The following THSD7A variants were observed in gnomAD, a reference collection of about 807,000 sequenced individuals.
THSD7A encodes the protein thrombospondin type-1 domain-containing protein 7A.
THSD7A carries 96 observed loss-of-function variants against 231.3 expected under a neutral mutation model. The observed-to-expected ratio is 0.41, with a 90% CI of 0.35 to 0.49. The LOEUF (loss-of-function observed/expected upper bound fraction) is 0.49, where lower values mean the gene tolerates loss of function less well. Ranked by LOEUF, THSD7A falls within the 20% of genes least tolerant of loss-of-function variation. The pLI is 0.05. For synonymous variants in THSD7A, 940 were observed against 743.3 expected, an observed-to-expected ratio of 1.26 and a Z score of -4.30; for missense variants, 2,290 against 2,070.2, an observed-to-expected ratio of 1.11 and a Z score of -2.06.
intron 9 of THSD7A, among the ~76,000 whole-genome samples, chr7:11,465,859 A>G (rs1183499444): frequency 6.6e-6 from 1 of 152,178 alleles, no homozygotes; most frequent in East Asian, 1.9e-4. Context: ...AATTAGAGGT[A>G]CAAATAATTT....
chr7:11,430,317 A>C (rs139491852), intron 13 of THSD7A, among the ~76,000 whole-genome samples: 1 of 152,046 alleles, frequency 6.6e-6, no homozygotes, highest in Non-Finnish European at 1.5e-5. Context: ...CATTTGTTTT[A>C]CTCCAAAAAT....
intron 1 of THSD7A, among the ~76,000 whole-genome samples, chr7:11,718,140 T>C (rs1781207161): frequency 6.6e-6 from 1 of 151,672 alleles, no homozygotes; most frequent in Non-Finnish European, 1.5e-5. Context: ...CATCCTCTCT[T>C]GAGAACAAGT....
At chr7:11,467,106 T>C (rs1785740909) in intron 9 of THSD7A, among the ~76,000 whole-genome samples, 1 of 152,126 alleles carries the variant, frequency 6.6e-6, no homozygotes, top group African/African-American at 2.4e-5. Flanking sequence ...GAAAGTTTCC[T>C]TCACATCTTG....
intron 1 of THSD7A, among the ~76,000 whole-genome samples, chr7:11,699,195 C>T (rs879416170): frequency 1.3e-5 from 2 of 151,074 alleles, no homozygotes; most frequent in African/African-American, 2.4e-5. Context: ...ACTACAGACT[C>T]ATTCTTTGAA....
intron 1 of THSD7A, among the ~76,000 whole-genome samples, chr7:11,648,995 G>A (rs966640596): frequency 4.6e-5 from 7 of 151,950 alleles, no homozygotes; most frequent in African/African-American, 1.7e-4. Flanking sequence ...GCTTTCTGCT[G>A]TTCATGCCTT....
chr7:11,565,583 A>G (rs1488705355), intron 4 of THSD7A, among the ~76,000 whole-genome samples: 2 of 151,784 alleles, frequency 1.3e-5, no homozygotes, highest in Non-Finnish European at 2.9e-5. Flanking sequence ...TTGAAAGCAG[A>G]GTCAGGAAAA....
intron 4 of THSD7A, among the ~76,000 whole-genome samples, chr7:11,551,788 G>C (rs980807734): frequency 8.5e-5 from 13 of 152,186 alleles, no homozygotes. Context: ...GCATTCTGGA[G>C]ATTTCTCAAA....
chr7:11,751,612 G>T (rs1341056130), intron 1 of THSD7A, among the ~76,000 whole-genome samples: 1 of 151,908 alleles, frequency 6.6e-6, no homozygotes, highest in Non-Finnish European at 1.5e-5. Context: ...TTCTTTGCAG[G>T]CAGTGACCCA....
At chr7:11,586,463 C>T (rs1450507152) in intron 4 of THSD7A, among the ~76,000 whole-genome samples, 1 of 152,134 alleles carries the variant, frequency 6.6e-6, no homozygotes, top group African/African-American at 2.4e-5. Flanking sequence ...CCCTTATACA[C>T]ACTTCAGGTG....
intron 9 of THSD7A, among the ~76,000 whole-genome samples, chr7:11,466,445 G>A (rs1227096687): frequency 3.9e-5 from 6 of 152,042 alleles, no homozygotes; most frequent in Admixed American, 3.9e-4. Flanking sequence ...CTTATTCTCA[G>A]TTACAGCAGT....
chr7:11,397,314 G>A (rs1783226114), intron 23 of THSD7A, among the ~76,000 whole-genome samples: 1 of 152,110 alleles, frequency 6.6e-6, no homozygotes, highest in Non-Finnish European at 1.5e-5. Context: ...ATGGGAAAAG[G>A]ATTCCCTATT....
chr7:11,582,272 T>C (rs114592435), intron 4 of THSD7A, among the ~76,000 whole-genome samples: 3,138 of 151,756 alleles, frequency 0.021, 34 homozygotes, highest in Middle Eastern at 0.028. Context: ...TACATAAGTA[T>C]ACAATAATAT....
In THSD7A at chr7:11,444,783, CTGTGTG is replaced by C. The variant is rs34985878; in HGVS notation, c.3064+1272_3064+1277del. 0.012 allele frequency among the ~76,000 whole-genome samples: 1,789 copies of C among 144,560 alleles called. 41 individuals are homozygous for C. The highest frequency in any genetic ancestry group is 0.042 in the African/African-American group (1,665 of 39,666). 94.8% of individuals were successfully genotyped at this position (144,560 alleles called of 152,430 possible). ...AAGAGAGGGGGCACAGTTGTCTGCT[CTGTGTG>C]TGTGTGTGTGTGTGTGTGTATAAAC... On this transcript the variant is annotated intron_variant, in intron 13 of 27. Coordinates refer to ENST00000423059, the MANE Select transcript of THSD7A (RefSeq NM_015204.3). This position sits in a 1 kb window ranked among gnomAD's most constrained non-coding sequence, Gnocchi z 4.2.
intron 23 of THSD7A, among the ~76,000 whole-genome samples, chr7:11,392,486 G>A (rs562563018): frequency 6.6e-6 from 1 of 151,560 alleles, no homozygotes; most frequent in East Asian, 1.9e-4. Flanking sequence ...AGTTGCAAGA[G>A]TTTTTTTTTC....
At chr7:11,707,111 T>C (rs377486495) in intron 1 of THSD7A, among the ~76,000 whole-genome samples, 1 of 150,826 alleles carries the variant, frequency 6.6e-6, no homozygotes, top group African/African-American at 2.4e-5. Context: ...ATATTGAATT[T>C]AGAAAATGAG....
intron 6 of THSD7A, among the ~76,000 whole-genome samples, chr7:11,526,446 C>T (rs1398786659): frequency 6.6e-6 from 1 of 152,124 alleles, no homozygotes; most frequent in Non-Finnish European, 1.5e-5. Flanking sequence ...TGTCTCTAGT[C>T]CTTGTTGCAC....
chr7:11,404,810 C>A (rs1783527648), intron 22 of THSD7A, among the ~76,000 whole-genome samples: 1 of 152,028 alleles, frequency 6.6e-6, no homozygotes, highest in Non-Finnish European at 1.5e-5. Flanking sequence ...AACATGAGAT[C>A]TACCCACTTA....
At chr7:11,536,585 T>G (rs975799090) in intron 6 of THSD7A, among the ~76,000 whole-genome samples, 1 of 152,190 alleles carries the variant, frequency 6.6e-6, no homozygotes, top group Non-Finnish European at 1.5e-5. Context: ...GGTACAACTG[T>G]ATGGTGAATC....
intron 4 of THSD7A, among the ~76,000 whole-genome samples, chr7:11,559,659 G>A (rs1490041547): frequency 2.0e-5 from 3 of 151,804 alleles, no homozygotes; most frequent in African/African-American, 7.3e-5. Context: ...GTAGAAGAAA[G>A]AGAATAAAAA....
Sources: allele counts gnomAD v4.1 joint callset (sites outside exome capture counted in the v4.1 genomes callset), GRCh38; gene constraint gnomAD v4.1.1; non-coding constraint Gnocchi (gnomAD v3.1); transcripts MANE v1.5; gene names NCBI Gene and HGNC (gene_info 2026-07-23, HGNC 2026-07-21).